MGAT5: variants seen among roughly 807,000 people sequenced by gnomAD.
MGAT5 encodes the protein alpha-1,6-mannosylglycoprotein 6-beta-N-acetylglucosaminyltransferase.
A neutral mutation model predicts 94.3 loss-of-function variants in MGAT5; 30 were observed. The observed-to-expected ratio is 0.32, with a 90% CI of 0.24 to 0.43. MGAT5 has a LOEUF of 0.43. Ranked by LOEUF, MGAT5 falls within the 20% of genes least tolerant of loss-of-function variation. The pLI, the probability that MGAT5 is intolerant of heterozygous loss-of-function variation, is 1.00. For missense variants in MGAT5, 691 were observed against 905.5 expected, an observed-to-expected ratio of 0.76 and a Z score of 3.04; for synonymous variants, 310 against 322.9, an observed-to-expected ratio of 0.96 and a Z score of 0.43.
At chr2:134,185,120 G>A (rs916276492) in intron 1 of MGAT5, among the ~76,000 whole-genome samples, 9 of 152,118 alleles carry the variant, frequency 5.9e-5, no homozygotes, top group Admixed American at 2.0e-4. Context: ...TGATATGATG[G>A]ACTTTGGGGA....
intron 11 of MGAT5, among the ~76,000 whole-genome samples, chr2:134,406,963 C>G (rs1410588797): frequency 6.6e-6 from 1 of 152,134 alleles, no homozygotes; most frequent in Non-Finnish European, 1.5e-5. Context: ...GGCAGAGGGC[C>G]TTTGCTTGTT....
chr2:134,172,820 A>T (rs1413512182), intron 1 of MGAT5, among the ~76,000 whole-genome samples: 1 of 152,250 alleles, frequency 6.6e-6, no homozygotes, highest in Non-Finnish European at 1.5e-5. Context: ...ACAGGCTGAT[A>T]GGAATTGGGT....
At chr2:134,393,872 C>T (rs1682557836) in intron 10 of MGAT5, among the ~76,000 whole-genome samples, 1 of 149,276 alleles carries the variant, frequency 6.7e-6, no homozygotes, top group Non-Finnish European at 1.5e-5. Context: ...CCACCTGCTG[C>T]TTTGGAAGGA....
In MGAT5 at chr2:134,441,849, A is replaced by G. The variant is rs1409372227; in HGVS notation, c.1961A>G (p.Gln654Arg). ...GGGCAGTCCTGCAAGCAGGTGTGCCAGGAGAGCCAGCTCATCTGCGAGCCT... is the reference window on the plus strand; with the variant it reads ...GGGCAGTCCTGCAAGCAGGTGTGCCGGGAGAGCCAGCTCATCTGCGAGCCT... ...EPGQSCKQVC[Q>R]ESQLICEPSF... is the part of the protein sequence containing the mutation. Residue 654 changes from glutamine to arginine, a missense_variant, in exon 15 of 16, where the codon CAG (glutamine) becomes CGG (arginine). Gln to Arg is a conservative substitution (Grantham distance 43). Coordinates refer to ENST00000281923, the MANE Select transcript of MGAT5 (RefSeq NM_002410.5). The G allele has an allele frequency of 6.2e-7, 1 of 1,614,098 alleles. No individual in the cohort carries two copies.
At chr2:134,381,322 A>G (rs1681529100) in intron 10 of MGAT5, among the ~76,000 whole-genome samples, 1 of 86,556 alleles carries the variant, frequency 1.2e-5, no homozygotes, top group Non-Finnish European at 2.6e-5. Flanking sequence ...GCATAGCAAG[A>G]CCTGTCTCAT....
At chr2:134,257,839 T>C (rs1160944877) in intron 1 of MGAT5, among the ~76,000 whole-genome samples, 2 of 141,482 alleles carry the variant, frequency 1.4e-5, no homozygotes, top group Admixed American at 6.9e-5. Context: ...GCAGTCTCTT[T>C]TTTTTTTTTT....
intron 10 of MGAT5, among the ~76,000 whole-genome samples, chr2:134,374,706 GACTAGCCCGGGC>G (rs1455240835): frequency 6.6e-6 from 1 of 152,138 alleles, no homozygotes; most frequent in Non-Finnish European, 1.5e-5. Flanking sequence ...ACATAATCAG[GACTAGCCCGGGC>G]ACAGTGGCTC....
intron 1 of MGAT5, among the ~76,000 whole-genome samples, chr2:134,265,834 ATTTGTACAG>A (rs1429260220): frequency 6.6e-6 from 1 of 152,208 alleles, no homozygotes; most frequent in Non-Finnish European, 1.5e-5. Context: ...TATAGAAATT[ATTTGTACAG>A]TTGTATTGAA....
At chr2:134,143,186 A>G (rs1448279138) in intron 1 of MGAT5, among the ~76,000 whole-genome samples, 1 of 152,142 alleles carries the variant, frequency 6.6e-6, no homozygotes, top group East Asian at 1.9e-4. Flanking sequence ...GGGCAGGGGC[A>G]TGGGGAGAAT....
At chr2:134,435,394 G>T (rs913179742) in intron 14 of MGAT5, among the ~76,000 whole-genome samples, 1 of 152,108 alleles carries the variant, frequency 6.6e-6, no homozygotes. Flanking sequence ...TTACTTCCTC[G>T]TGTCTTTTCC....
intron 1 of MGAT5, among the ~76,000 whole-genome samples, chr2:134,158,282 T>C (rs915771776): frequency 6.6e-6 from 1 of 152,178 alleles, no homozygotes; most frequent in East Asian, 1.9e-4. Context: ...GGCACCTAAA[T>C]TGTGCCAAGG....
At chr2:134,248,255 C>T (rs1682393166) in intron 1 of MGAT5, among the ~76,000 whole-genome samples, 1 of 152,236 alleles carries the variant, frequency 6.6e-6, no homozygotes, top group Non-Finnish European at 1.5e-5. Context: ...CCTGTCCTTC[C>T]ATCTAGCAAA....
chr2:134,153,745 G>C (rs1412247277), intron 1 of MGAT5, among the ~76,000 whole-genome samples: 6 of 152,234 alleles, frequency 3.9e-5, no homozygotes, highest in East Asian at 3.9e-4. Context: ...AGTCTTACAG[G>C]CCACTCGAGG....
intron 7 of MGAT5, among the ~76,000 whole-genome samples, chr2:134,342,130 C>A (rs1688667801): frequency 6.6e-6 from 1 of 152,172 alleles, no homozygotes; most frequent in Admixed American, 6.5e-5. Flanking sequence ...CTTGCTAAAT[C>A]TTGAAACAGG....
At chr2:134,183,850 C>T (rs1475639317) in intron 1 of MGAT5, among the ~76,000 whole-genome samples, 2 of 152,168 alleles carry the variant, frequency 1.3e-5, no homozygotes, top group African/African-American at 2.4e-5. Context: ...TGAGGTGTTA[C>T]GTGGGCAGCA....
In MGAT5 at chr2:134,453,614, A is replaced by C. The variant is rs550330688; in HGVS notation, c.*4767A>C. The C allele has an allele frequency of 1.5e-4, 23 of 152,316 alleles. No individual in the cohort carries two copies. Among genetic ancestry groups the C allele is most frequent in the African/African-American group, 5.3e-4 (22 of 41,562 alleles). The allele number at this position is 152,316 out of a possible 1,614,324, so 9.4% of individuals were successfully genotyped here. A position where few individuals can be genotyped will look rare whatever the true frequency, so the allele number is the denominator to read the frequency against. Reference sequence around the variant, plus strand: ...CAGGCAGGTCCCTTTGCCGGCCCCTACAGGCTGGGGTGGCCCCTCCTGTCC... The same window carrying C: ...CAGGCAGGTCCCTTTGCCGGCCCCTCCAGGCTGGGGTGGCCCCTCCTGTCC... On this transcript the variant is annotated 3_prime_UTR_variant, in exon 16 of 16. Transcript: ENST00000281923.
intron 10 of MGAT5, among the ~76,000 whole-genome samples, chr2:134,373,926 G>A (rs896525043): frequency 3.3e-5 from 5 of 152,288 alleles, no homozygotes; most frequent in Middle Eastern, 3.4e-3. Flanking sequence ...TTCATTCCTC[G>A]TCAACACTGC....
intron 1 of MGAT5, among the ~76,000 whole-genome samples, chr2:134,197,926 C>A (rs1416877338): frequency 6.6e-6 from 1 of 152,092 alleles, no homozygotes; most frequent in Non-Finnish European, 1.5e-5. Context: ...ACTCCTGTTC[C>A]ACTTGGCAAA....
chr2:134,265,934 C>G (rs1683684315), intron 1 of MGAT5, among the ~76,000 whole-genome samples: 1 of 152,020 alleles, frequency 6.6e-6, no homozygotes, highest in Non-Finnish European at 1.5e-5. Context: ...TTTTGGGAGG[C>G]TGAGGCTGGT....
Sources: gnomAD v4.1 joint callset for allele counts (sites outside exome capture counted in the v4.1 genomes callset) on GRCh38, gnomAD v4.1.1 for gene constraint, MANE v1.5 for transcripts, NCBI Gene and HGNC (gene_info 2026-07-23, HGNC 2026-07-21) for gene names.